RAB3C: variants seen among roughly 807,000 people sequenced by gnomAD.
RAB3C encodes RAB3C, member RAS oncogene family.
In RAB3C, 17 loss-of-function variants were observed where a neutral mutation model predicts 26.4. That is an observed-to-expected ratio of 0.64 (90% CI 0.44 to 0.97). The LOEUF is 0.97. Among genes scored for constraint, RAB3C ranks in the 50% least tolerant of loss-of-function variants. The probability of loss-of-function intolerance (pLI) is 0.00; values close to 1 mark genes in which losing one functional copy is unlikely to be tolerated. For missense variants in RAB3C, 242 were observed against 281.9 expected (o/e 0.86, Z 1.01); for synonymous variants, 91 against 95.9 (o/e 0.95, Z 0.30).
intron 4 of RAB3C, among the ~76,000 whole-genome samples, chr5:58,834,180 C>A (rs545951333): frequency 2.0e-5 from 3 of 152,270 alleles, no homozygotes; most frequent in East Asian, 3.9e-4. Context: ...AGATTTCAGC[C>A]TATCGTTACA....
chr5:58,777,165 T>C (rs1432757116), intron 3 of RAB3C, among the ~76,000 whole-genome samples: 1 of 152,134 alleles, frequency 6.6e-6, no homozygotes, highest in East Asian at 1.9e-4. Flanking sequence ...CACTTCTCAC[T>C]GGCACTTTTG....
At chr5:58,798,673 G>T (rs1206855795) in intron 3 of RAB3C, among the ~76,000 whole-genome samples, 1 of 152,150 alleles carries the variant, frequency 6.6e-6, no homozygotes, top group African/African-American at 2.4e-5. Flanking sequence ...AAACGTAAAT[G>T]AATTTCATGT....
chr5:58,784,490 A>C (rs1010210569), intron 3 of RAB3C, among the ~76,000 whole-genome samples: 2 of 152,314 alleles, frequency 1.3e-5, no homozygotes, highest in Admixed American at 1.3e-4. Flanking sequence ...GACACGTGGA[A>C]ATTGTGGAAG....
chr5:58,741,424 A>G (rs1282768564), intron 3 of RAB3C, among the ~76,000 whole-genome samples: 1 of 152,142 alleles, frequency 6.6e-6, no homozygotes, highest in Non-Finnish European at 1.5e-5. Context: ...TGGTCTTCCT[A>G]ACATGGCCGG....
chr5:58,834,615 T>G (rs775498605), intron 4 of RAB3C, among the ~76,000 whole-genome samples: 1 of 152,184 alleles, frequency 6.6e-6, no homozygotes, highest in Non-Finnish European at 1.5e-5. Context: ...GGAATCCCAG[T>G]GATGCTACTA....
At chr5:58,611,805 C>T (rs1435652393) in intron 1 of RAB3C, among the ~76,000 whole-genome samples, 1 of 152,102 alleles carries the variant, frequency 6.6e-6, no homozygotes, top group African/African-American at 2.4e-5. Flanking sequence ...GAAATCTTTG[C>T]CTGCTCCTAT....
chr5:58,592,272 T>G (rs1746149760), intron 1 of RAB3C, among the ~76,000 whole-genome samples: 1 of 152,186 alleles, frequency 6.6e-6, no homozygotes, highest in Non-Finnish European at 1.5e-5. Flanking sequence ...ATATGCATAT[T>G]TAACTTATTA....
At chr5:58,831,424 C>T (rs1743611565) in intron 4 of RAB3C, among the ~76,000 whole-genome samples, 1 of 152,094 alleles carries the variant, frequency 6.6e-6, no homozygotes, top group South Asian at 2.1e-4. Flanking sequence ...CTGGAACTTC[C>T]CCAACTAATA....
At chr5:58,786,916 A>C (rs534509398) in intron 3 of RAB3C, among the ~76,000 whole-genome samples, 13 of 152,070 alleles carry the variant, frequency 8.5e-5, no homozygotes, top group Non-Finnish European at 1.8e-4. Context: ...CAGAAGTAGA[A>C]AGGCATCGGG....
intron 4 of RAB3C, among the ~76,000 whole-genome samples, chr5:58,843,431 A>G (rs1743919021): frequency 6.6e-6 from 1 of 152,220 alleles, no homozygotes; most frequent in Non-Finnish European, 1.5e-5. Flanking sequence ...TTTATCATTG[A>G]AAGCCTATTG....
At chr5:58,822,542 AGAG>A (rs1301374064) in intron 3 of RAB3C, 3 of 201,842 alleles carry the variant, frequency 1.5e-5, no homozygotes, top group African/African-American at 7.0e-5. Context: ...GGCCTATTTA[AGAG>A]ATACCAAGTG....
At chr5:58,640,778 A>T (rs912132025) in intron 2 of RAB3C, among the ~76,000 whole-genome samples, 9 of 152,182 alleles carry the variant, frequency 5.9e-5, no homozygotes, top group Non-Finnish European at 8.8e-5. Flanking sequence ...TGCTAATCAC[A>T]CTTAACATCA....
intron 1 of RAB3C, among the ~76,000 whole-genome samples, chr5:58,605,202 C>T (rs778039095): frequency 2.3e-4 from 35 of 152,268 alleles, no homozygotes; most frequent in Non-Finnish European, 4.4e-4. Flanking sequence ...CTGCTTCCAT[C>T]AGAGGGTCTG....
At chr5:58,809,436 A>G (rs1019232950) in intron 3 of RAB3C, among the ~76,000 whole-genome samples, 1 of 152,078 alleles carries the variant, frequency 6.6e-6, no homozygotes, top group Non-Finnish European at 1.5e-5. Flanking sequence ...AAAATGTACA[A>G]TATATGATCA....
rs148566506 is a variant in RAB3C, at chr5:58,780,819, G to A, written c.372-44219G>A. ...GTTTTCAAACCCTCCTTTGAAGGAAGTATGGCTTCTTCCTTAATGATGGGG... is the reference window on the plus strand; with the variant it reads ...GTTTTCAAACCCTCCTTTGAAGGAAATATGGCTTCTTCCTTAATGATGGGG... On this transcript the variant is annotated intron_variant, in intron 3 of 4. Coordinates refer to ENST00000282878, the MANE Select transcript of RAB3C (RefSeq NM_138453.4). Among the ~76,000 whole-genome samples the A allele has an allele frequency of 5.0e-3, 756 of 152,164 alleles. 8 individuals carry two copies. Among genetic ancestry groups the A allele is most frequent in the Middle Eastern group, 0.01 (3 of 294 alleles).
chr5:58,731,962 C>T (rs1367718562), intron 3 of RAB3C, among the ~76,000 whole-genome samples: 1 of 152,116 alleles, frequency 6.6e-6, no homozygotes, highest in Non-Finnish European at 1.5e-5. Flanking sequence ...AGAGCCCTTG[C>T]AGAAGTGGTT....
chr5:58,652,396 GA>G (rs1215855129), intron 2 of RAB3C, among the ~76,000 whole-genome samples: 2 of 151,730 alleles, frequency 1.3e-5, no homozygotes, highest in Non-Finnish European at 2.9e-5. Context: ...CCAAGGAGGA[GA>G]AACTTATCTT....
chr5:58,590,033 G>A (rs954227945), intron 1 of RAB3C, among the ~76,000 whole-genome samples: 7 of 152,194 alleles, frequency 4.6e-5, no homozygotes, highest in African/African-American at 1.7e-4. Flanking sequence ...GGCCAGTCCA[G>A]CCAACACATT....
chr5:58,695,607 G>T (rs1748681122), intron 2 of RAB3C, among the ~76,000 whole-genome samples: 1 of 152,120 alleles, frequency 6.6e-6, no homozygotes, highest in Non-Finnish European at 1.5e-5. Flanking sequence ...GTTGAGCAGT[G>T]GTTTGTAATT....
Sources: gnomAD v4.1 joint callset for allele counts (sites outside exome capture counted in the v4.1 genomes callset) on GRCh38, gnomAD v4.1.1 for gene constraint, MANE v1.5 for transcripts, NCBI Gene and HGNC (gene_info 2026-07-23, HGNC 2026-07-21) for gene names.